ACSF3: variants seen among roughly 807,000 people sequenced by gnomAD.
ACSF3 encodes the protein acyl-CoA synthetase family member 3.
In ACSF3, 78 loss-of-function variants were observed where a neutral mutation model predicts 53.2. The observed-to-expected ratio is 1.47, with a 90% CI of 1.22 to 1.77. ACSF3 has a LOEUF of 1.77. Among genes scored for constraint, ACSF3 ranks in the 40% most tolerant of loss-of-function variants. ACSF3 has a pLI of 0.00. For missense variants in ACSF3, 937 were observed against 771.1 expected (o/e 1.22, Z -2.55); for synonymous variants, 414 against 333.1 (o/e 1.24, Z -2.65).
intron 7 of ACSF3, 82 bp downstream of exon 7, chr16:89,120,995 C>T: frequency 1.6e-6 from 2 of 1,284,724 alleles, no homozygotes; most frequent in Non-Finnish European, 1.1e-6. Context: ...TGCATCTTTC[C>T]CCTGGAGGCA....
At chr16:89,119,123 G>GGGGCCACTCCTTGAGCTCTCAT (rs1196994143) in intron 6 of ACSF3, among the ~76,000 whole-genome samples, 1 of 152,110 alleles carries the variant, frequency 6.6e-6, no homozygotes, top group Non-Finnish European at 1.5e-5. Context: ...CTGGAGTGTG[G>GGGGCCACTCCTTGAGCTCTCAT]GGGCCACTCC....
intron 2 of ACSF3, among the ~76,000 whole-genome samples, chr16:89,099,160 G>A (rs775528504): frequency 6.6e-6 from 1 of 152,246 alleles, no homozygotes; most frequent in Non-Finnish European, 1.5e-5. Flanking sequence ...TCTGGAATGC[G>A]GGGGCTGTGC....
At chr16:89,117,066 C>T (rs567604708) in intron 6 of ACSF3, among the ~76,000 whole-genome samples, 2 of 152,314 alleles carry the variant, frequency 1.3e-5, no homozygotes, top group African/African-American at 2.4e-5. Flanking sequence ...AAGCCCGGCT[C>T]GCTGAGGCTG....
Position 89,102,770 on chromosome 16 carries a change from G to GT in ACSF3, c.822+12dup, listed in dbSNP as rs753199859. 13 of 1,603,270 alleles carry GT rather than the reference G, an allele frequency of 8.1e-6. No homozygotes were observed. In the African/African-American group the frequency reaches 1.5e-4, roughly 18 times the overall value. ...TTCAGCCCTCAGCAGGTGAGTTGGGGTCAGGGCTCTCGGTTGCACCCTCAG... is the reference window on the plus strand; with the variant it reads ...TTCAGCCCTCAGCAGGTGAGTTGGGGTTCAGGGCTCTCGGTTGCACCCTCAG... On this transcript the variant is annotated intron_variant, in intron 4 of 10. Coordinates refer to ENST00000614302, the MANE Select transcript of ACSF3 (RefSeq NM_001243279.3).
chr16:89,155,947 A>G lies in ACSF3; in HGVS notation c.*1740A>G. ...GGAGCTCATTGACCAGAAACTGCAGAGAGCCTGGAGCTCGTTGACCACAAA... is the reference window on the plus strand; with the variant it reads ...GGAGCTCATTGACCAGAAACTGCAGGGAGCCTGGAGCTCGTTGACCACAAA... On this transcript the variant is annotated 3_prime_UTR_variant, in exon 11 of 11. Coordinates refer to ENST00000614302, the MANE Select transcript of ACSF3 (RefSeq NM_001243279.3). The G allele has an allele frequency of 2.7e-6, 1 of 365,090 alleles. No individual in the cohort carries two copies. The highest frequency in any genetic ancestry group is 2.1e-5 in the South Asian group (1 of 47,200). The allele number at this position is 365,090 out of a possible 1,614,324, so 22.6% of individuals were successfully genotyped here. A position where few individuals can be genotyped will look rare whatever the true frequency, so the allele number is the denominator to read the frequency against.
chr16:89,123,538 G>C (rs1027694796), intron 7 of ACSF3, among the ~76,000 whole-genome samples: 1 of 152,178 alleles, frequency 6.6e-6, no homozygotes, highest in Non-Finnish European at 1.5e-5. Context: ...TCTTGTCTGT[G>C]CCGAGGCGTG....
chr16:89,102,238 G>C (rs1001589388), intron 3 of ACSF3: 1 of 367,282 alleles, frequency 2.7e-6, no homozygotes, highest in Non-Finnish European at 5.3e-6. Context: ...TGAGCCAGTG[G>C]TTGGGCTGGG....
intron 7 of ACSF3, among the ~76,000 whole-genome samples, chr16:89,128,964 A>T (rs1445225524): frequency 1.6e-4 from 3 of 19,252 alleles, no homozygotes; most frequent in Non-Finnish European, 3.9e-4. Flanking sequence ...CATCTCTACA[A>T]AAAGTTGGAA....
At chr16:89,144,670 A>G (rs895045616) in intron 8 of ACSF3, among the ~76,000 whole-genome samples, 2 of 152,218 alleles carry the variant, frequency 1.3e-5, no homozygotes, top group African/African-American at 2.4e-5. Flanking sequence ...GCCTGCCTGC[A>G]TGAGGGGCGG....
chr16:89,121,220 C>T (rs569110817), intron 7 of ACSF3, among the ~76,000 whole-genome samples: 8 of 152,250 alleles, frequency 5.3e-5, no homozygotes, highest in African/African-American at 7.2e-5. Flanking sequence ...GACAGGCTGA[C>T]GTGGGCCATG....
chr16:89,127,169 CTG>C (rs1464111328), intron 7 of ACSF3, among the ~76,000 whole-genome samples: 2 of 151,988 alleles, frequency 1.3e-5, no homozygotes, highest in Non-Finnish European at 2.9e-5. Context: ...AAATTTTGGT[CTG>C]TAGTTTCCCA....
chr16:89,118,559 G>T (rs534082405), intron 6 of ACSF3, among the ~76,000 whole-genome samples: 1 of 68,080 alleles, frequency 1.5e-5, no homozygotes, highest in East Asian at 3.0e-4. Flanking sequence ...GTCCGTGCTC[G>T]GAAGAGAGAG....
chr16:89,114,159 G>A (rs898400040), intron 5 of ACSF3, 180 bp from the exon 6 acceptor site: 22 of 754,790 alleles, frequency 2.9e-5, no homozygotes, highest in Non-Finnish European at 3.8e-5. Context: ...AGCGCAGACT[G>A]CAGCGTTGGT....
At chr16:89,094,543 T>G (rs1330822371) in intron 1 of ACSF3, among the ~76,000 whole-genome samples, 1 of 152,112 alleles carries the variant, frequency 6.6e-6, no homozygotes, top group Non-Finnish European at 1.5e-5. Flanking sequence ...GAGGGAAGGT[T>G]TAAAGGGGTG....
chr16:89,101,362 G>T lies in ACSF3; in HGVS notation c.666+15G>T. On this transcript the variant is annotated intron_variant, in intron 3 of 10. Coordinates refer to ENST00000614302, the MANE Select transcript of ACSF3 (RefSeq NM_001243279.3). The stretch of plus-strand genomic sequence containing the variant: ...TCAGGGCTGTGGTGAGTGCCGCCTG[G>T]CGCCGTGATGGTTTCGGTGACCGCA... 1.3e-6 allele frequency: 2 copies of T among 1,566,626 alleles called. No individual in the cohort carries two copies. The highest frequency in any genetic ancestry group is 8.6e-7 in the Non-Finnish European group (1 of 1,156,530).
intron 2 of ACSF3, 131 bp from the exon 3 acceptor site, chr16:89,100,531 T>C (rs1004892944): frequency 4.5e-6 from 4 of 895,544 alleles, no homozygotes; most frequent in Non-Finnish European, 5.1e-6. Flanking sequence ...GCCTGTCTGG[T>C]GCGCTGCCTC....
At chr16:89,116,724 C>T (rs1905180500) in intron 6 of ACSF3, among the ~76,000 whole-genome samples, 1 of 152,148 alleles carries the variant, frequency 6.6e-6, no homozygotes, top group African/African-American at 2.4e-5. Flanking sequence ...AGAAATACAT[C>T]CTAGTCTCAG....
intron 4 of ACSF3, among the ~76,000 whole-genome samples, chr16:89,111,667 A>C (rs955857087): frequency 6.6e-6 from 1 of 152,258 alleles, no homozygotes; most frequent in East Asian, 1.9e-4. Flanking sequence ...TAAAATTCAC[A>C]TGACTCTTTT....
chr16:89,145,584 G>A (rs537056484), intron 9 of ACSF3, among the ~76,000 whole-genome samples, 183 bp downstream of exon 9: 5 of 152,194 alleles, frequency 3.3e-5, no homozygotes, highest in Non-Finnish European at 7.4e-5. Context: ...CAGCCTGCTC[G>A]GTGTTGGAGC....
Sources: allele counts gnomAD v4.1 joint callset (sites outside exome capture counted in the v4.1 genomes callset), GRCh38; gene constraint gnomAD v4.1.1; transcripts MANE v1.5; gene names NCBI Gene and HGNC (gene_info 2026-07-23, HGNC 2026-07-21).